CIZ1: variants seen among roughly 807,000 people sequenced by gnomAD.
The protein encoded by CIZ1 is CDKN1A interacting zinc finger protein 1.
CIZ1 carries 58 observed loss-of-function variants against 118.6 expected under a neutral mutation model. The ratio of observed to expected loss-of-function variants is 0.49; its 90% CI spans 0.40 to 0.61. The LOEUF (loss-of-function observed/expected upper bound fraction) is 0.61. Ranked by LOEUF, CIZ1 falls within the 20% of genes least tolerant of loss-of-function variation. The pLI, the probability that CIZ1 is intolerant of heterozygous loss-of-function variation, is 0.00. For synonymous variants in CIZ1, 448 were observed against 443.4 expected (o/e 1.01, Z -0.13); for missense variants, 921 against 1,115.9 (o/e 0.83, Z 2.49).
intron 11 of CIZ1, among the ~76,000 whole-genome samples, chr9:128,173,396 C>T (rs2130925466): frequency 6.6e-6 from 1 of 152,042 alleles, no homozygotes; most frequent in South Asian, 2.1e-4. Context: ...CCACCCGCCT[C>T]AGCCTCCCAA....
At chr9:128,191,720 G>C (rs1187855250), upstream of CIZ1, 2 of 1,337,404 alleles carry the variant, frequency 1.5e-6, no homozygotes, top group Non-Finnish European at 1.9e-6. The surrounding 1 kb of genome is among the most constrained non-coding windows in gnomAD (Gnocchi z 5.5). Context: ...GGGGGTCCTG[G>C]GCGGCTCATA....
At chr9:128,176,649 T>C (rs1005450496) in intron 10 of CIZ1, among the ~76,000 whole-genome samples, 174 bp from the exon 11 acceptor site, 3 of 152,306 alleles carry the variant, frequency 2.0e-5, no homozygotes, top group Admixed American at 1.3e-4. Flanking sequence ...ACAGGGTACA[T>C]GCCAGCCCGA....
At chr9:128,200,995 G>A (rs541028769) in intron 1 of CIZ1, among the ~76,000 whole-genome samples, 7 of 151,810 alleles carry the variant, frequency 4.6e-5, no homozygotes, top group Non-Finnish European at 7.4e-5. Flanking sequence ...TTGGCCGGGC[G>A]CAGTGGTTCA....
At chr9:128,187,833 T>A in intron 4 of CIZ1, 30 bp downstream of exon 4, 3 of 574,156 alleles carry the variant, frequency 5.2e-6, no homozygotes, top group East Asian at 3.1e-5. Flanking sequence ...ATATATACAT[T>A]TATATATATA....
chr9:128,178,303 A>C, intron 9 of CIZ1, 66 bp downstream of exon 9: 1 of 1,543,194 alleles, frequency 6.5e-7, no homozygotes, highest in Non-Finnish European at 8.7e-7. Context: ...CCTGGGGCAG[A>C]AAGAGGCCAT....
At chr9:128,174,665 TTTG>T (rs1830642239) in intron 11 of CIZ1, among the ~76,000 whole-genome samples, 3 of 151,928 alleles carry the variant, frequency 2.0e-5, no homozygotes, top group South Asian at 4.2e-4. Context: ...TTTTTAAATT[TTTG>T]TTGTTGTTTT....
At chr9:128,167,759 C>CCCTAGCAGG (rs1476225133) in intron 14 of CIZ1, 1 of 154,436 alleles carries the variant, frequency 6.5e-6, no homozygotes, top group Non-Finnish European at 1.5e-5. Context: ...GCCGTGTCAG[C>CCCTAGCAGG]CCTAGCAGGC....
At chr9:128,170,424 G>C (rs1829989635) in intron 11 of CIZ1, among the ~76,000 whole-genome samples, 1 of 152,230 alleles carries the variant, frequency 6.6e-6, no homozygotes, top group African/African-American at 2.4e-5. Flanking sequence ...GTCCTAAACA[G>C]GTTCAAATAT....
intron 3 of CIZ1, among the ~76,000 whole-genome samples, chr9:128,188,642 T>A (rs759177249): frequency 1.1e-4 from 17 of 151,932 alleles, no homozygotes; most frequent in Non-Finnish European, 2.4e-4. Context: ...CTTTTTTTTT[T>A]TCTTTTTTTG....
At position 128,166,701 on chromosome 9, in the gene CIZ1, G is replaced by C; in HGVS notation, c.2487+58C>G. ...GAGTGGCCACTAGCCACCCGAATCA[G>C]CTTGGATTAAGACTAAGTCTGTGGC... is the stretch of plus-strand genomic sequence containing the variant. On this transcript the variant is annotated intron_variant, in intron 16 of 16. Transcript: ENST00000372938. The surrounding 1 kb of genome is among the most constrained non-coding windows in gnomAD (Gnocchi z 4.4). The C allele has an allele frequency of 6.2e-7, 1 of 1,611,238 alleles. No individual in the cohort carries two copies. The highest frequency in any genetic ancestry group is 8.5e-7 in the Non-Finnish European group (1 of 1,177,860).
At chr9:128,173,138 T>C (rs1830353278) in intron 11 of CIZ1, among the ~76,000 whole-genome samples, 1 of 114,948 alleles carries the variant, frequency 8.7e-6, no homozygotes, top group African/African-American at 3.9e-5. Context: ...CTAATTTCTT[T>C]TTTTTTTTTT....
At position 128,177,546 on chromosome 9, in the gene CIZ1, C is replaced by CCAAAAAAAAGT; in HGVS notation, c.1818+19_1818+20insACTTTTTTTTG. On this transcript the variant is annotated intron_variant, in intron 10 of 16. Coordinates refer to ENST00000372938, the MANE Select transcript of CIZ1 (RefSeq NM_001131016.2). Reference sequence around the variant, plus strand: ...CACGCAGGCCCCACCCCTCCCCACCCTTATCTCCTGTATCAGTACCTGCTG... The same window carrying CCAAAAAAAAGT: ...CACGCAGGCCCCACCCCTCCCCACCCCAAAAAAAAGTTTATCTCCTGTATCAGTACCTGCTG... The CCAAAAAAAAGT allele has an allele frequency of 2.2e-6, 3 of 1,353,450 alleles. No individual in the cohort carries two copies. Among genetic ancestry groups the CCAAAAAAAAGT allele is most frequent in the Non-Finnish European group, 3.0e-6 (3 of 1,013,752 alleles). The allele number at this position is 1,353,450 out of a possible 1,614,324, so 83.8% of individuals were successfully genotyped here. A position where few individuals can be genotyped will look rare whatever the true frequency, so the allele number is the denominator to read the frequency against.
chr9:128,176,414 A>G lies in CIZ1; in HGVS notation c.1880T>C (p.Met627Thr). ...CAGGGACAGGAGGCAGGCTTGGCTCATGTGCTGGATCTCCCCTAGCCGCTG... is the reference window on the plus strand; with the variant it reads ...CAGGGACAGGAGGCAGGCTTGGCTCGTGTGCTGGATCTCCCCTAGCCGCTG... ...HQQRLGEIQH[M>T]SQACLLSLLP... The change falls in exon 11 of 17, where the codon ATG becomes ACG. Residue 627 changes from methionine to threonine, a missense_variant. Coordinates refer to ENST00000372938, the MANE Select transcript of CIZ1 (RefSeq NM_001131016.2). The G allele has an allele frequency of 2.5e-6, 4 of 1,613,992 alleles. No individual in the cohort carries two copies. The highest frequency in any genetic ancestry group is 3.4e-6 in the Non-Finnish European group (4 of 1,179,990).
chr9:128,188,189 A>T (rs942585206), intron 3 of CIZ1, among the ~76,000 whole-genome samples: 2 of 151,740 alleles, frequency 1.3e-5, no homozygotes, highest in African/African-American at 4.8e-5. Flanking sequence ...CTCTGGTGCA[A>T]TATTAAACAG....
upstream of CIZ1, among the ~76,000 whole-genome samples, chr9:128,192,541 T>A (rs951940555): frequency 8.6e-5 from 13 of 151,780 alleles, no homozygotes; most frequent in Non-Finnish European, 1.3e-4. Context: ...TTTATTTATT[T>A]TTTATTTATT....
chr9:128,197,195 G>C (rs960304611), intron 1 of CIZ1: 3 of 152,222 alleles, frequency 2.0e-5, no homozygotes, highest in African/African-American at 7.2e-5. Context: ...GGTGAAGGCT[G>C]ATTAAATTAG....
At chr9:128,174,812 C>A (rs925238727) in intron 11 of CIZ1, among the ~76,000 whole-genome samples, 6 of 152,294 alleles carry the variant, frequency 3.9e-5, no homozygotes, top group Admixed American at 1.3e-4. Flanking sequence ...GCATGCACCA[C>A]CATGCCCAGC....
chr9:128,177,548 T>G lies in CIZ1; in HGVS notation c.1818+18A>C. ...CGCAGGCCCCACCCCTCCCCACCCT[T>G]ATCTCCTGTATCAGTACCTGCTGGC... is the stretch of plus-strand genomic sequence containing the variant. On this transcript the variant is annotated intron_variant, in intron 10 of 16. Transcript: ENST00000372938. 1 of 460,926 alleles carries G rather than the reference T, an allele frequency of 2.2e-6. No homozygotes were observed. The highest frequency in any genetic ancestry group is 3.9e-6 in the Non-Finnish European group (1 of 257,484). The allele number at this position is 460,926 out of a possible 1,614,324, so 28.6% of individuals were successfully genotyped here. A position where few individuals can be genotyped will look rare whatever the true frequency, so the allele number is the denominator to read the frequency against.
intron 12 of CIZ1, 71 bp downstream of exon 12, chr9:128,169,949 G>C (rs1005862899): frequency 2.2e-6 from 3 of 1,387,204 alleles, no homozygotes; most frequent in African/African-American, 1.5e-5. Context: ...TTCCAACTGG[G>C]GCTCTGTGTT....
Sources: gnomAD v4.1 joint callset for allele counts (sites outside exome capture counted in the v4.1 genomes callset) on GRCh38, gnomAD v4.1.1 for gene constraint, Gnocchi (gnomAD v3.1) non-coding constraint, MANE v1.5 for transcripts, NCBI Gene and HGNC (gene_info 2026-07-23, HGNC 2026-07-21) for gene names.